Variants in CTNNA3 observed in about 807,000 individuals in gnomAD.
The protein encoded by CTNNA3 is catenin alpha 3, also known as catenin alpha-3.
CTNNA3 carries 76 observed loss-of-function variants against 95.7 expected under a neutral mutation model. The observed-to-expected ratio is 0.79, with a 90% CI of 0.66 to 0.96. CTNNA3 has a LOEUF of 0.96. Ranked by LOEUF, CTNNA3 falls within the 40% of genes least tolerant of loss-of-function variation. CTNNA3 has a pLI of 0.00. For missense variants in CTNNA3, 1,191 were observed against 1,089.8 expected, an observed-to-expected ratio of 1.09 and a Z score of -1.31; for synonymous variants, 431 against 374.4, an observed-to-expected ratio of 1.15 and a Z score of -1.74.
In CTNNA3 at chr10:66,928,136, A is replaced by T. The variant is rs199499859; in HGVS notation, c.1048-152612T>A. On this transcript the variant is annotated intron_variant, in intron 7 of 17. Transcript: ENST00000433211. ...GTGGGAGCCACAGAGCCCGGCCCAG[A>T]GACCGATGCTGACGCCGAGCACATC... 1.5e-5 allele frequency: 25 copies of T among 1,613,970 alleles called. No individual in the cohort carries two copies. The highest frequency in any genetic ancestry group is 2.0e-5 in the Non-Finnish European group (24 of 1,180,044).
intron 9 of CTNNA3, among the ~76,000 whole-genome samples, chr10:66,646,749 G>C (rs1322922760): frequency 2.0e-5 from 3 of 152,012 alleles, no homozygotes; most frequent in Non-Finnish European, 4.4e-5. Flanking sequence ...AGCATCCTTG[G>C]CAAGTCTTGT....
intron 7 of CTNNA3, among the ~76,000 whole-genome samples, chr10:66,898,826 C>T (rs1042530491): frequency 1.3e-5 from 2 of 152,124 alleles, no homozygotes; most frequent in Non-Finnish European, 2.9e-5. Flanking sequence ...GGATATGATA[C>T]CAGAAGCTCA....
rs574175432 is a variant in CTNNA3, at chr10:65,947,369, A to C, written c.2400+19243T>G. ...CAGTGAATAATATCACTTTAGGGTA[A>C]ATTTAACATTTATCCAATATTAGCT... is the stretch of plus-strand genomic sequence containing the variant. On this transcript the variant is annotated intron_variant, in intron 17 of 17. Transcript: ENST00000433211. Among the ~76,000 whole-genome samples the C allele has an allele frequency of 2.0e-5, 3 of 152,306 alleles. No homozygotes were observed. In the East Asian group the frequency reaches 5.8e-4, roughly 29 times the overall value.
chr10:67,495,986 A>T (rs1370188081), intron 5 of CTNNA3, among the ~76,000 whole-genome samples: 1 of 152,180 alleles, frequency 6.6e-6, no homozygotes, highest in Non-Finnish European at 1.5e-5. Flanking sequence ...ATAATTCATA[A>T]ATGAATATTC....
chr10:66,626,027 T>A (rs756226259), intron 9 of CTNNA3, among the ~76,000 whole-genome samples: 4 of 152,206 alleles, frequency 2.6e-5, no homozygotes, highest in Admixed American at 6.5e-5. Flanking sequence ...TACTATAGGT[T>A]AAGTCTGCTT....
chr10:67,317,898 A>G (rs1052232123), intron 5 of CTNNA3, among the ~76,000 whole-genome samples: 5 of 99,204 alleles, frequency 5.0e-5, no homozygotes, highest in African/African-American at 1.3e-4. Flanking sequence ...AGCCCTTGTG[A>G]AAAACCACAG....
chr10:67,105,950 A>G (rs560607286), intron 7 of CTNNA3, among the ~76,000 whole-genome samples: 1 of 152,316 alleles, frequency 6.6e-6, no homozygotes, highest in Admixed American at 6.5e-5. Context: ...AGTGTATTGG[A>G]CATCCTTCAA....
intron 5 of CTNNA3, among the ~76,000 whole-genome samples, chr10:67,475,177 C>G (rs1334399442): frequency 6.6e-6 from 1 of 152,190 alleles, no homozygotes; most frequent in African/African-American, 2.4e-5. Context: ...CAAACAGCCA[C>G]ATTATTACAT....
intron 7 of CTNNA3, among the ~76,000 whole-genome samples, chr10:66,930,817 A>T (rs751642280): frequency 6.6e-6 from 1 of 152,194 alleles, no homozygotes; most frequent in African/African-American, 2.4e-5. Flanking sequence ...ATAGATAAGA[A>T]CGAAAATAAA....
In CTNNA3 at chr10:67,566,187, A is replaced by C. The variant is rs1302859411; in HGVS notation, c.293-26518T>G. ...TTGACAAATGGGATCTAATTAAACTAAAGAGCTTCTGCACAGCAAAAGAAA... is the reference window on the plus strand; with the variant it reads ...TTGACAAATGGGATCTAATTAAACTCAAGAGCTTCTGCACAGCAAAAGAAA... On this transcript the variant is annotated intron_variant, in intron 3 of 17. Coordinates refer to ENST00000433211, the MANE Select transcript of CTNNA3 (RefSeq NM_013266.4). 4.7e-4 allele frequency among the ~76,000 whole-genome samples: 65 copies of C among 139,652 alleles called. 3 individuals carry two copies. Among genetic ancestry groups the C allele is most frequent in the South Asian group, 3.9e-3 (15 of 3,862 alleles). 91.6% of individuals were successfully genotyped at this position (139,652 alleles called of 152,430 possible). A position where few individuals can be genotyped will look rare whatever the true frequency, so the allele number is the denominator to read the frequency against.
intron 11 of CTNNA3, among the ~76,000 whole-genome samples, chr10:66,431,922 T>C (rs1333531913): frequency 6.6e-6 from 1 of 152,096 alleles, no homozygotes. Flanking sequence ...AAAATCATTG[T>C]ATTAATCTGT....
rs774667390 is a variant in CTNNA3 at position 67,180,399 on chromosome 10, T to C, written c.965A>G (p.Asp322Gly). The C allele has an allele frequency of 1.9e-6, 3 of 1,613,468 alleles. No homozygotes were observed. The African/African-American group carries it at 4.0e-5, about 22-fold the overall frequency. The change falls in exon 7 of 18, where the codon GAC (aspartate) becomes GGC (glycine). Residue 322 changes from aspartate to glycine, a missense_variant. Coordinates refer to ENST00000433211, the MANE Select transcript of CTNNA3 (RefSeq NM_013266.4). Reference sequence around the variant, plus strand: ...TGCGATAATCCGCTCTCGGTGTAAGTCCCTCGTACATGAAGAATCCGCCAG... The same window carrying C: ...TGCGATAATCCGCTCTCGGTGTAAGCCCCTCGTACATGAAGAATCCGCCAG... ...ALLADSSCTR[D>G]LHRERIIAEC...
At chr10:67,596,954 C>G (rs73268162) in intron 3 of CTNNA3, among the ~76,000 whole-genome samples, 15,132 of 152,166 alleles carry the variant, frequency 0.099, 1,501 homozygotes, top group African/African-American at 0.26. Context: ...CAGAGGTTTT[C>G]TCCTTTTTTG....
intron 7 of CTNNA3, among the ~76,000 whole-genome samples, chr10:66,973,861 A>G (rs184283919): frequency 1.9e-4 from 29 of 152,120 alleles, no homozygotes; most frequent in Non-Finnish European, 4.1e-4. Flanking sequence ...TGACCTCAAG[A>G]TTTATCCCCC....
intron 13 of CTNNA3, among the ~76,000 whole-genome samples, chr10:66,241,876 A>T (rs1411264688): frequency 6.6e-6 from 1 of 152,212 alleles, no homozygotes; most frequent in Non-Finnish European, 1.5e-5. Flanking sequence ...ACCAAATATA[A>T]ATCTAAGACC....
Position 67,403,926 on chromosome 10 carries a change from G to C in CTNNA3, c.579+117916C>G, listed in dbSNP as rs376292578. Among the ~76,000 whole-genome samples the C allele has an allele frequency of 9.8e-5, 15 of 152,290 alleles. No homozygotes were observed. In the East Asian group the frequency reaches 2.5e-3, roughly 25 times the overall value. ...TACCTACAGGTACTGAAAAAACTGAGGTGACTAGGGTCTGAAGCAGCCGCC... is the reference window on the plus strand; with the variant it reads ...TACCTACAGGTACTGAAAAAACTGACGTGACTAGGGTCTGAAGCAGCCGCC... On this transcript the variant is annotated intron_variant, in intron 5 of 17. Transcript: ENST00000433211.
At chr10:67,453,660 C>T (rs1415049361) in intron 5 of CTNNA3, among the ~76,000 whole-genome samples, 1 of 152,160 alleles carries the variant, frequency 6.6e-6, no homozygotes, top group African/African-American at 2.4e-5. Context: ...GAGCAAGCTT[C>T]ATTAATAAAT....
intron 5 of CTNNA3, among the ~76,000 whole-genome samples, chr10:67,495,019 A>T (rs1214133199): frequency 6.6e-6 from 1 of 152,220 alleles, no homozygotes; most frequent in African/African-American, 2.4e-5. Context: ...CTAGAAAATT[A>T]TTCATCATTG....
At chr10:66,044,518 G>A (rs749582991) in intron 15 of CTNNA3, among the ~76,000 whole-genome samples, 26 of 151,378 alleles carry the variant, frequency 1.7e-4, no homozygotes, top group Non-Finnish European at 3.4e-4. Flanking sequence ...ACTGCACTTT[G>A]CCTTTTGGCT....
Sources: allele counts gnomAD v4.1 joint callset (sites outside exome capture counted in the v4.1 genomes callset), GRCh38; gene constraint gnomAD v4.1.1; transcripts MANE v1.5; gene names NCBI Gene and HGNC (gene_info 2026-07-23, HGNC 2026-07-21).